The following SLCO4C1 variants were observed in gnomAD, a reference collection of about 807,000 sequenced individuals.
SLCO4C1 encodes the protein solute carrier organic anion transporter family member 4C1.
A neutral mutation model predicts 72.1 loss-of-function variants in SLCO4C1; 58 were observed. The observed-to-expected ratio is 0.80, with a 90% CI of 0.65 to 1.00. SLCO4C1 has a LOEUF of 1.00. SLCO4C1 is among the 50% of genes least tolerant of loss of function. SLCO4C1 has a pLI of 0.00. For synonymous variants in SLCO4C1, 297 were observed against 312.5 expected, an observed-to-expected ratio of 0.95 and a Z score of 0.52; for missense variants, 898 against 857.9, an observed-to-expected ratio of 1.05 and a Z score of -0.58.
At chr5:102,261,611 G>A (rs1356701531) in intron 5 of SLCO4C1, among the ~76,000 whole-genome samples, 3 of 151,744 alleles carry the variant, frequency 2.0e-5, no homozygotes, top group Non-Finnish European at 2.9e-5. Context: ...TTTAAAAGAC[G>A]TTGTACCTTG....
At chr5:102,281,999 C>A (rs1243934476) in intron 2 of SLCO4C1, among the ~76,000 whole-genome samples, 1 of 152,014 alleles carries the variant, frequency 6.6e-6, no homozygotes, top group Non-Finnish European at 1.5e-5. Flanking sequence ...TGGGAACAAA[C>A]CAGATGTTCT....
Position 102,296,034 on chromosome 5 carries a change from A to G in SLCO4C1, c.229T>C (p.Ser77Pro), listed in dbSNP as rs1276709962. The G allele has an allele frequency of 6.2e-7, 1 of 1,614,114 alleles. No individual in the cohort carries two copies. Among genetic ancestry groups the G allele is most frequent in the African/African-American group, 1.3e-5 (1 of 74,926 alleles). ...PPNVSEEKLR[S>P]LSLSEFEEGS... ...TCCTCAAACTCGGACAGCGACAGTG[A>G]CCGGAGCTTCTCTTCGGAGACATTG... The change falls in exon 1 of 13, where the codon TCA (serine) becomes CCA (proline). Residue 77 changes from serine (S) to proline (P), a missense_variant. Coordinates refer to ENST00000310954, the MANE Select transcript of SLCO4C1 (RefSeq NM_180991.5).
intron 2 of SLCO4C1, among the ~76,000 whole-genome samples, chr5:102,281,152 A>C (rs941248928): frequency 6.6e-6 from 1 of 152,170 alleles, no homozygotes. Context: ...ATATAGCTAT[A>C]CAAATATGCC....
intron 2 of SLCO4C1, among the ~76,000 whole-genome samples, chr5:102,280,419 C>T (rs935088708): frequency 1.3e-5 from 2 of 151,392 alleles, no homozygotes; most frequent in African/African-American, 2.4e-5. Context: ...ACATAACTTG[C>T]ATGCTAAAAA....
intron 2 of SLCO4C1, 44 bp from the exon 3 acceptor site, chr5:102,270,850 T>TAATTTATATGATAGA: frequency 7.0e-7 from 1 of 1,429,814 alleles, no homozygotes; most frequent in Non-Finnish European, 9.4e-7. Context: ...ATTCAGCTAA[T>TAATTTATATGATAGA]AATTTAAATT....
intron 6 of SLCO4C1, 29 bp from the exon 7 acceptor site, chr5:102,258,116 G>A: frequency 6.6e-7 from 1 of 1,512,198 alleles, no homozygotes; most frequent in South Asian, 1.3e-5. Context: ...TTCCTCAAAT[G>A]AATAGCTATG....
At chr5:102,257,334 T>A in intron 7 of SLCO4C1, 24 bp from the exon 8 acceptor site, 1 of 1,556,262 alleles carries the variant, frequency 6.4e-7, no homozygotes, top group Non-Finnish European at 8.7e-7. Flanking sequence ...AGAATGTAGA[T>A]TGTGAGAAAC....
At chr5:102,272,370 G>T (rs1749167988) in intron 2 of SLCO4C1, among the ~76,000 whole-genome samples, 1 of 151,968 alleles carries the variant, frequency 6.6e-6, no homozygotes, top group South Asian at 2.1e-4. Flanking sequence ...ATTTTACAGT[G>T]CTTCATGAAA....
chr5:102,273,766 C>G (rs908163436), intron 2 of SLCO4C1, among the ~76,000 whole-genome samples: 6 of 152,118 alleles, frequency 3.9e-5, no homozygotes, highest in Admixed American at 1.3e-4. Context: ...TTAAGATAAT[C>G]AGAAGCAAAT....
At chr5:102,278,141 G>A (rs899973442) in intron 2 of SLCO4C1, among the ~76,000 whole-genome samples, 1 of 152,052 alleles carries the variant, frequency 6.6e-6, no homozygotes, top group Admixed American at 6.6e-5. Flanking sequence ...AATGTGGGCA[G>A]GCTGAAATTT....
chr5:102,286,497 C>A (rs1749454961), intron 2 of SLCO4C1, among the ~76,000 whole-genome samples: 1 of 152,040 alleles, frequency 6.6e-6, no homozygotes, highest in Non-Finnish European at 1.5e-5. Context: ...AGTCATACTA[C>A]AATATGTTGT....
At position 102,249,738 on chromosome 5, in the gene SLCO4C1, C is replaced by G; in HGVS notation, c.1520G>C (p.Cys507Ser). 1 of 1,613,918 alleles carries G rather than the reference C, an allele frequency of 6.2e-7. No homozygotes were observed. The highest frequency in any genetic ancestry group is 8.5e-7 in the Non-Finnish European group (1 of 1,179,922). ...LIAPCNANCN[C>S]SRSYYYPVCG... ...GACAGGATAATAATATGATCGCGAA[C>G]AGTTACAATTGGCATTACAAGGGGC... Residue 507 changes from cysteine to serine, a missense_variant, in exon 9 of 13, where the codon TGT (cysteine) becomes TCT (serine). Cys to Ser is a moderately radical substitution (Grantham distance 112, BLOSUM62 -1). Transcript: ENST00000310954.
chr5:102,291,500 T>A lies in SLCO4C1; in HGVS notation c.462A>T (p.Ser154=), dbSNP rs775698981. Residue 154 remains serine (S), a synonymous_variant, in exon 2 of 13, where the codon TCA becomes TCT. Transcript: ENST00000310954. ...ATACAAATAAAGACAACAAACAGAA[T>A]GAAATATCGTAGCTTGATGAAATCA... ...TGLISSSYDI[S]FCLLSLFVSF... The A allele has an allele frequency of 5.0e-6, 8 of 1,613,976 alleles. No individual in the cohort carries two copies. Among genetic ancestry groups the A allele is most frequent in the Non-Finnish European group, 6.8e-6 (8 of 1,180,018 alleles).
chr5:102,258,606 G>T (rs940106981), intron 6 of SLCO4C1, among the ~76,000 whole-genome samples: 2 of 152,066 alleles, frequency 1.3e-5, no homozygotes, highest in African/African-American at 4.8e-5. Context: ...TGTCTATATG[G>T]CTAGACCTCT....
chr5:102,247,847 C>T (rs75505410), intron 9 of SLCO4C1, among the ~76,000 whole-genome samples: 3,632 of 151,710 alleles, frequency 0.024, 98 homozygotes, highest in African/African-American at 0.071. Context: ...ACATTAAGGC[C>T]TCAACGAATC....
chr5:102,264,610 G>T (rs1218448693), intron 3 of SLCO4C1, among the ~76,000 whole-genome samples: 18 of 150,658 alleles, frequency 1.2e-4, no homozygotes. Context: ...ATACATTTAT[G>T]ACTTGTTTAT....
intron 3 of SLCO4C1, among the ~76,000 whole-genome samples, chr5:102,269,072 G>A (rs905875631): frequency 6.6e-6 from 1 of 151,694 alleles, no homozygotes; most frequent in Non-Finnish European, 1.5e-5. Context: ...GTGACTTGAC[G>A]CTCTTCTTTT....
At chr5:102,285,188 T>C (rs1749426732) in intron 2 of SLCO4C1, among the ~76,000 whole-genome samples, 1 of 148,664 alleles carries the variant, frequency 6.7e-6, no homozygotes, top group South Asian at 2.1e-4. Flanking sequence ...ATAGCAACCA[T>C]CCAGGATAAT....
At chr5:102,251,634 T>G (rs1363509003) in intron 8 of SLCO4C1, among the ~76,000 whole-genome samples, 1 of 152,094 alleles carries the variant, frequency 6.6e-6, no homozygotes, top group Admixed American at 6.6e-5. Flanking sequence ...TCCTAATATC[T>G]AACCTGGTGT....
Sources: gnomAD v4.1 joint callset for allele counts (sites outside exome capture counted in the v4.1 genomes callset) on GRCh38, gnomAD v4.1.1 for gene constraint, MANE v1.5 for transcripts, NCBI Gene and HGNC (gene_info 2026-07-23, HGNC 2026-07-21) for gene names.